ATM: variants seen among roughly 807,000 people sequenced by gnomAD.
ATM encodes serine-protein kinase ATM.
Under a neutral mutation model 387.0 loss-of-function variants are expected in ATM, and 308 were observed. The ratio of observed to expected loss-of-function variants is 0.80; its 90% CI spans 0.73 to 0.87. The LOEUF (loss-of-function observed/expected upper bound fraction) is 0.87. Ranked by LOEUF, ATM falls within the 40% of genes least tolerant of loss-of-function variation. ATM has a pLI of 0.00. For missense variants in ATM, 3,312 were observed against 3,560.9 expected, an observed-to-expected ratio of 0.93 and a Z score of 1.78; for synonymous variants, 1,156 against 1,187.3, an observed-to-expected ratio of 0.97 and a Z score of 0.54.
intron 22 of ATM, among the ~76,000 whole-genome samples, chr11:108,274,348 TG>T (rs1296422195): frequency 1.2e-4 from 4 of 34,272 alleles, no homozygotes; most frequent in Admixed American, 4.3e-4. Flanking sequence ...GTTTTTTTTG[TG>T]TGTGTGTGTC....
intron 24 of ATM, among the ~76,000 whole-genome samples, chr11:108,281,740 GGT>G: frequency 6.6e-6 from 1 of 152,160 alleles, no homozygotes; most frequent in Non-Finnish European, 1.5e-5. Flanking sequence ...ATCAGTGGTA[GGT>G]CAGTGGACTG....
chr11:108,321,885 C>T (rs4988096), intron 45 of ATM, among the ~76,000 whole-genome samples: 3,900 of 151,712 alleles, frequency 0.026, 175 homozygotes, highest in African/African-American at 0.089. Context: ...TTTTATTAAA[C>T]ATTTTCCAAA....
chr11:108,310,229 A>G lies in ATM; in HGVS notation c.5832A>G (p.Val1944=), dbSNP rs2084030090. 2 of 1,613,538 alleles carry G rather than the reference A, an allele frequency of 1.2e-6. No homozygotes were observed. Among genetic ancestry groups the G allele is most frequent in the South Asian group, 2.2e-5 (2 of 91,076 alleles). Residue 1944 remains valine (V), a synonymous_variant, in exon 39 of 63, where the codon GTA becomes GTG. Coordinates refer to ENST00000675843, the MANE Select transcript of ATM (RefSeq NM_000051.4). ...LDLNYLEVAK[V]AQSCAAHFTA... ...TAAATTATCTAGAAGTTGCCAAGGT[A>G]GCTCAGTCTTGTGCTGCTCACTTTA...
In ATM at chr11:108,244,866, T is replaced by A; in HGVS notation, c.741T>A (p.Phe247Leu). Residue 247 changes from phenylalanine to leucine, a missense_variant, in exon 7 of 63, where the codon TTT becomes TTA. Phe to Leu is a conservative substitution (Grantham distance 22). Around this residue, in one of 4 missense-constraint regions of ATM, gnomAD observed 1,791 missense variants for 1,804.5 expected, o/e 0.99. Transcript: ENST00000675843. ...TIFLKTLAVNFRIRVCELGDE... is the reference protein window; with the variant it reads ...TIFLKTLAVNLRIRVCELGDE... ...TCCTCAAGACTTTGGCTGTCAACTT[T>A]CGAATTCGAGTGTGTGAATTAGGAG... is the stretch of plus-strand genomic sequence containing the variant. 6.2e-7 allele frequency: 1 copy of A among 1,613,956 alleles called. No homozygotes were observed. The highest frequency in any genetic ancestry group is 1.1e-5 in the South Asian group (1 of 91,080).
chr11:108,240,803 A>G (rs1056914869), intron 5 of ATM, among the ~76,000 whole-genome samples: 2 of 151,674 alleles, frequency 1.3e-5, no homozygotes, highest in African/African-American at 4.8e-5. Flanking sequence ...GAATTTGTAA[A>G]CTCTTATTCT....
Position 108,253,829 on chromosome 11 carries a change from A to C in ATM, c.1914A>C (p.Lys638Asn), listed in dbSNP as rs587781753. ...QSVPECEHHQKDKEELSFSEV... is the reference protein window; with the variant it reads ...QSVPECEHHQNDKEELSFSEV... Reference sequence around the variant, plus strand: ...TTTCTTGAAGTGAACACCACCAAAAAGATAAAGAAGAACTTTCATTCTCAG... The same window carrying C: ...TTTCTTGAAGTGAACACCACCAAAACGATAAAGAAGAACTTTCATTCTCAG... The change falls in exon 13 of 63, where the codon AAA becomes AAC. Residue 638 changes from lysine (K) to asparagine (N), a missense_variant. Transcript: ENST00000675843. 4 of 1,613,602 alleles carry C rather than the reference A, an allele frequency of 2.5e-6. No individual in the cohort carries two copies. The highest frequency in any genetic ancestry group is 3.4e-6 in the Non-Finnish European group (4 of 1,179,846).
chr11:108,282,128 A>ATT (rs749115733), intron 24 of ATM, among the ~76,000 whole-genome samples: 11 of 138,666 alleles, frequency 7.9e-5, no homozygotes, highest in Non-Finnish European at 9.5e-5. Context: ...CACCTGGCTA[A>ATT]TTTTTTTTTT....
At chr11:108,315,941 A>G (rs1343181576) in intron 41 of ATM, 30 bp downstream of exon 41, 2 of 1,606,434 alleles carry the variant, frequency 1.2e-6, no homozygotes, top group Admixed American at 1.7e-5. Context: ...ACAACGGTAT[A>G]GTAATTCTGT....
intron 59 of ATM, among the ~76,000 whole-genome samples, chr11:108,351,030 T>C (rs2089140287): frequency 6.6e-6 from 1 of 152,206 alleles, no homozygotes; most frequent in Non-Finnish European, 1.5e-5. Context: ...ATAGGTAGAA[T>C]GGATGAACAA....
chr11:108,322,953 T>C (rs762194305), intron 45 of ATM, among the ~76,000 whole-genome samples: 49 of 151,972 alleles, frequency 3.2e-4, no homozygotes, highest in Non-Finnish European at 6.3e-4. Context: ...GTAAAGTGTT[T>C]TGGGTCCTCA....
rs192170676 is a variant in ATM at position 108,301,203 on chromosome 11, A to G, written c.5178-445A>G. ...ATTGGTTTTTCTGAAACAGATGCACAGAAATATTAGTGTGACTTCAACTTA... is the reference window on the plus strand; with the variant it reads ...ATTGGTTTTTCTGAAACAGATGCACGGAAATATTAGTGTGACTTCAACTTA... On this transcript the variant is annotated intron_variant, in intron 34 of 62. Coordinates refer to ENST00000675843, the MANE Select transcript of ATM (RefSeq NM_000051.4). 2.6e-5 allele frequency among the ~76,000 whole-genome samples: 4 copies of G among 152,324 alleles called. No homozygotes were observed. In the East Asian group the frequency reaches 7.7e-4, roughly 29 times the overall value.
intron 13 of ATM, among the ~76,000 whole-genome samples, chr11:108,255,881 T>TA (rs1555074659): frequency 1.3e-5 from 2 of 152,226 alleles, no homozygotes; most frequent in Non-Finnish European, 2.9e-5. Flanking sequence ...TTCTAAGACT[T>TA]ACAGTCATTT....
chr11:108,287,659 ACATGAGCCAG>A lies in ATM; in HGVS notation c.4056_4065del (p.His1352GlnfsTer31), dbSNP rs1555095955. 6.2e-7 allele frequency: 1 copy of A among 1,613,928 alleles called. No individual in the cohort carries two copies. Among genetic ancestry groups the A allele is most frequent in the Non-Finnish European group, 8.5e-7 (1 of 1,179,942 alleles). On this transcript the variant is annotated frameshift_variant, in exon 27 of 63. Coordinates refer to ENST00000675843, the MANE Select transcript of ATM (RefSeq NM_000051.4). LOFTEE classifies it high-confidence loss of function. ...TTGTGGTGGAGTTATTGATGACGTT[ACATGAGCCAG>A]CAAATTCTAGTGCCAGTCAGAGCAC...
chr11:108,307,960 T>C lies in ATM; in HGVS notation c.5738T>C (p.Val1913Ala). The C allele has an allele frequency of 6.2e-7, 1 of 1,613,438 alleles. No homozygotes were observed. The highest frequency in any genetic ancestry group is 2.2e-5 in the East Asian group (1 of 44,842). The change falls in exon 38 of 63, where the codon GTG becomes GCG. Residue 1913 changes from valine to alanine, a missense_variant. By Grantham distance (64) the Val-to-Ala change is moderately conservative. Transcript: ENST00000675843. ...TCACAAAGAACAATGCTTGCTGTTG[T>C]GGACTACATGAGAAGACAAAAGAGG... ...KKSQRTMLAV[V>A]DYMRRQKRPS...
At chr11:108,362,940 AAAAGTATAAT>A (rs2137762594) in intron 61 of ATM, among the ~76,000 whole-genome samples, 1 of 152,246 alleles carries the variant, frequency 6.6e-6, no homozygotes, top group Admixed American at 6.5e-5. Flanking sequence ...CCTAAAACAT[AAAAGTATAAT>A]TTAAAAAAAA....
chr11:108,354,900 T>C (rs1565582836), intron 61 of ATM, 26 bp downstream of exon 61: 3 of 1,589,510 alleles, frequency 1.9e-6, no homozygotes, highest in South Asian at 2.2e-5. Flanking sequence ...AGGAAGACTT[T>C]ATTTTTTTTC....
At position 108,246,958 on chromosome 11, in the gene ATM, T is replaced by G; in HGVS notation, c.902-6T>G. 6.2e-7 allele frequency: 1 copy of G among 1,605,026 alleles called. No individual in the cohort carries two copies. The highest frequency in any genetic ancestry group is 8.5e-7 in the Non-Finnish European group (1 of 1,173,488). On this transcript the variant is annotated splice_polypyrimidine_tract_variant and splice_region_variant and intron_variant, in intron 7 of 62. Transcript: ENST00000675843. ...AAAAATTACATTTTAATTTTTTGGA[T>G]TACAGGTGCTTATGAATCAACAAAA...
Position 108,345,766 on chromosome 11 carries a change from A to G in ATM, c.8442A>G (p.Glu2814=), listed in dbSNP as rs2137025895. The G allele has an allele frequency of 6.2e-7, 1 of 1,612,372 alleles. No individual in the cohort carries two copies. Among genetic ancestry groups the G allele is most frequent in the South Asian group, 1.1e-5 (1 of 90,804 alleles). The change falls in exon 58 of 63, where the codon GAA becomes GAG. Residue 2814 remains glutamate (E), a synonymous_variant. Transcript: ENST00000675843. ...AGGAGGTGCAAAAAAAGTCTTTTGA[A>G]GAGAAATATGAAGTCTTCATGGATG... ...KMMEVQKKSF[E]EKYEVFMDVC...
chr11:108,264,479 T>C (rs1278642664), intron 16 of ATM, among the ~76,000 whole-genome samples: 1 of 152,148 alleles, frequency 6.6e-6, no homozygotes, highest in Non-Finnish European at 1.5e-5. Flanking sequence ...ATGGGACGTA[T>C]CTCAAAATAA....
Sources: allele counts gnomAD v4.1 joint callset (sites outside exome capture counted in the v4.1 genomes callset), GRCh38; gene constraint gnomAD v4.1.1; regional missense constraint gnomAD v4.1.1; transcripts MANE v1.5; gene names NCBI Gene and HGNC (gene_info 2026-07-23, HGNC 2026-07-21).